Variants in WDPCP observed in about 807,000 individuals in gnomAD.
WDPCP encodes WD repeat containing planar cell polarity effector.
WDPCP carries 71 observed loss-of-function variants against 93.1 expected under a neutral mutation model. The observed-to-expected ratio is 0.76, with a 90% CI of 0.63 to 0.93. The LOEUF is 0.93. WDPCP is among the 40% of genes least tolerant of loss of function. The pLI, the probability that WDPCP is intolerant of heterozygous loss-of-function variation, is 0.00. For missense variants in WDPCP, 844 were observed against 887.4 expected (o/e 0.95, Z 0.62); for synonymous variants, 315 against 315.0 (o/e 1.00, Z 0.00).
At chr2:63,390,786 C>G (rs1693172642) in intron 10 of WDPCP, among the ~76,000 whole-genome samples, 1 of 152,146 alleles carries the variant, frequency 6.6e-6, no homozygotes, top group Non-Finnish European at 1.5e-5. Context: ...ACTAGAAAAT[C>G]TAGAAGAAAT....
chr2:63,696,748 T>C (rs1395528728), intron 2 of WDPCP, among the ~76,000 whole-genome samples: 2 of 152,234 alleles, frequency 1.3e-5, no homozygotes, highest in African/African-American at 4.8e-5. Context: ...GAATCTTAGG[T>C]TAGGAATCCA....
rs1282900913 is a variant in WDPCP, at chr2:63,575,449, T to A, written c.75+12748A>T. ...TACAGTGTATATACAGTGTATACAC[T>A]GTATATACAGTATATATGCAGTATA... On this transcript the variant is annotated intron_variant, in intron 1 of 17. Transcript: ENST00000272321. Among the ~76,000 whole-genome samples the A allele has an allele frequency of 4.3e-4, 26 of 61,154 alleles. 4 individuals are homozygous for A. The highest frequency in any genetic ancestry group is 1.6e-3 in the Admixed American group (10 of 6,176). The allele number at this position is 61,154 out of a possible 152,430, so 40.1% of individuals were successfully genotyped here. A position where few individuals can be genotyped will look rare whatever the true frequency, so the allele number is the denominator to read the frequency against.
chr2:63,728,877 C>G (rs1325499018), intron 2 of WDPCP, among the ~76,000 whole-genome samples: 1 of 152,194 alleles, frequency 6.6e-6, no homozygotes, highest in East Asian at 1.9e-4. Flanking sequence ...TAAACTCATT[C>G]TTCATCTAAC....
chr2:63,769,269 G>T (rs558912484), intron 2 of WDPCP, among the ~76,000 whole-genome samples: 3 of 151,796 alleles, frequency 2.0e-5, no homozygotes, highest in Non-Finnish European at 4.4e-5. Context: ...TAGTAATAAT[G>T]CAACTGTCTC....
At chr2:63,805,326 A>G (rs891517713) in intron 2 of WDPCP, among the ~76,000 whole-genome samples, 6 of 152,194 alleles carry the variant, frequency 3.9e-5, no homozygotes, top group Non-Finnish European at 7.3e-5. Context: ...TTAGAGGTCA[A>G]AATGTCACTT....
intron 2 of WDPCP, among the ~76,000 whole-genome samples, chr2:63,731,771 G>C (rs1036481220): frequency 6.6e-6 from 1 of 152,184 alleles, no homozygotes; most frequent in Non-Finnish European, 1.5e-5. Context: ...GTCTTCAAAA[G>C]AGCTTGTAAT....
intron 13 of WDPCP, among the ~76,000 whole-genome samples, chr2:63,305,886 G>A (rs542450991): frequency 2.0e-4 from 31 of 152,136 alleles, no homozygotes; most frequent in Non-Finnish European, 3.5e-4. Context: ...GAAAAATACA[G>A]CACAAGAACT....
At chr2:63,178,496 C>T (rs928087192) in intron 14 of WDPCP, among the ~76,000 whole-genome samples, 19 of 152,132 alleles carry the variant, frequency 1.2e-4, no homozygotes, top group Admixed American at 5.9e-4. Flanking sequence ...TGGCATATGA[C>T]TGTTTGTAAT....
intron 2 of WDPCP, among the ~76,000 whole-genome samples, chr2:63,711,053 C>T (rs1450642988): frequency 6.6e-6 from 1 of 152,162 alleles, no homozygotes; most frequent in Non-Finnish European, 1.5e-5. Context: ...AGGTAAAGAA[C>T]CCCTAGGCCC....
chr2:63,463,973 G>A (rs1699190598), intron 6 of WDPCP, among the ~76,000 whole-genome samples: 1 of 152,030 alleles, frequency 6.6e-6, no homozygotes, highest in Non-Finnish European at 1.5e-5. Flanking sequence ...ATGATTTCTT[G>A]CATATGACAC....
intron 3 of WDPCP, among the ~76,000 whole-genome samples, chr2:63,623,998 T>A (rs374410719): frequency 6.6e-6 from 1 of 152,174 alleles, no homozygotes; most frequent in East Asian, 1.9e-4. Context: ...CAAACCATAG[T>A]GCAATCAAAT....
At chr2:63,600,122 T>G (rs1709392075) in intron 3 of WDPCP, 1 of 152,232 alleles carries the variant, frequency 6.6e-6, no homozygotes. Flanking sequence ...AAAAAATTGT[T>G]GTTAACCAGA....
intron 8 of WDPCP, among the ~76,000 whole-genome samples, chr2:63,435,761 A>C (rs1697098216): frequency 6.6e-6 from 1 of 152,180 alleles, no homozygotes. Flanking sequence ...CTAAGTATTA[A>C]AAATATACAT....
At chr2:63,591,275 T>G (rs922829088), upstream of WDPCP, among the ~76,000 whole-genome samples, 1 of 152,228 alleles carries the variant, frequency 6.6e-6, no homozygotes, top group Non-Finnish European at 1.5e-5. Flanking sequence ...GCTTTTCAAC[T>G]GCAATGTTGC....
At chr2:63,641,838 T>A (rs555329005) in intron 3 of WDPCP, among the ~76,000 whole-genome samples, 1 of 152,216 alleles carries the variant, frequency 6.6e-6, no homozygotes. Flanking sequence ...TTGCCTGTGC[T>A]TGTGGGGTAT....
chr2:63,830,478 GAAT>G (rs1317217096), upstream of WDPCP, among the ~76,000 whole-genome samples: 2 of 152,058 alleles, frequency 1.3e-5, no homozygotes, highest in Non-Finnish European at 2.9e-5. Context: ...TTCTAGGTTA[GAAT>G]AATTTTCTCT....
intron 12 of WDPCP, among the ~76,000 whole-genome samples, chr2:63,364,249 C>T (rs1200911699): frequency 6.6e-6 from 1 of 152,126 alleles, no homozygotes; most frequent in Admixed American, 6.5e-5. Flanking sequence ...TCTCTGAAGA[C>T]TTACATGATT....
At chr2:63,648,186 T>C (rs1710073591) in intron 3 of WDPCP, among the ~76,000 whole-genome samples, 1 of 152,232 alleles carries the variant, frequency 6.6e-6, no homozygotes, top group African/African-American at 2.4e-5. Flanking sequence ...TGGGCCAATC[T>C]GTCAGGCATG....
intron 1 of WDPCP, among the ~76,000 whole-genome samples, chr2:63,529,500 T>A (rs1049217842): frequency 6.6e-6 from 1 of 152,218 alleles, no homozygotes; most frequent in Non-Finnish European, 1.5e-5. Context: ...TGGTTCTGTT[T>A]ATGTGATGGA....
Sources: gnomAD v4.1 joint callset for allele counts (sites outside exome capture counted in the v4.1 genomes callset) on GRCh38, gnomAD v4.1.1 for gene constraint, MANE v1.5 for transcripts, NCBI Gene and HGNC (gene_info 2026-07-23, HGNC 2026-07-21) for gene names.